Variants in ATP8A2 observed in about 807,000 individuals in gnomAD.
ATP8A2 encodes phospholipid-transporting ATPase IB.
In ATP8A2, 100 loss-of-function variants were observed where a neutral mutation model predicts 165.6. The ratio of observed to expected loss-of-function variants is 0.60; its 90% CI spans 0.51 to 0.71. ATP8A2 has a LOEUF of 0.71. ATP8A2 is among the 30% of genes least tolerant of loss of function. The pLI is 0.00. For missense variants in ATP8A2, 1,227 were observed against 1,479.5 expected (o/e 0.83, Z 2.80); for synonymous variants, 543 against 548.8 (o/e 0.99, Z 0.15).
At chr13:25,439,351 TTTGCTC>T (rs2034867950) in intron 1 of ATP8A2, among the ~76,000 whole-genome samples, 1 of 152,262 alleles carries the variant, frequency 6.6e-6, no homozygotes, top group South Asian at 2.1e-4. Flanking sequence ...ATCATGGAGC[TTTGCTC>T]ACCCTCCCGT....
At chr13:25,536,077 A>G (rs544897574) in intron 6 of ATP8A2, among the ~76,000 whole-genome samples, 4 of 152,130 alleles carry the variant, frequency 2.6e-5, no homozygotes, top group East Asian at 3.9e-4. Flanking sequence ...TCTGATTTTT[A>G]TATGTAATTA....
chr13:25,685,635 G>A (rs2042585398), intron 24 of ATP8A2, among the ~76,000 whole-genome samples: 1 of 152,224 alleles, frequency 6.6e-6, no homozygotes, highest in Non-Finnish European at 1.5e-5. Context: ...GAGCTGCATG[G>A]AAATCTGGGA....
At chr13:25,670,857 A>G (rs1002314748) in intron 24 of ATP8A2, among the ~76,000 whole-genome samples, 28 of 152,228 alleles carry the variant, frequency 1.8e-4, no homozygotes, top group Non-Finnish European at 2.9e-4. Flanking sequence ...TAACACTGCA[A>G]GCTTGACCTA....
chr13:25,998,062 G>A (rs972113198), intron 35 of ATP8A2, among the ~76,000 whole-genome samples: 12 of 152,144 alleles, frequency 7.9e-5, no homozygotes, highest in East Asian at 1.9e-4. Flanking sequence ...GGCTCCTGCC[G>A]GGTAGAGGTA....
intron 18 of ATP8A2, among the ~76,000 whole-genome samples, chr13:25,573,384 A>G (rs2039523407): frequency 6.6e-6 from 1 of 151,996 alleles, no homozygotes; most frequent in African/African-American, 2.4e-5. Context: ...CCTCTTTGTT[A>G]CCTCATTAAA....
chr13:25,813,432 G>T (rs1033478647), intron 27 of ATP8A2, among the ~76,000 whole-genome samples: 5 of 131,374 alleles, frequency 3.8e-5, no homozygotes, highest in African/African-American at 1.5e-4. Flanking sequence ...ATGATGGTAT[G>T]ATATGATATG....
intron 33 of ATP8A2, among the ~76,000 whole-genome samples, chr13:25,918,428 C>T (rs1315595392): frequency 1.3e-5 from 2 of 152,064 alleles, no homozygotes; most frequent in Non-Finnish European, 2.9e-5. Context: ...TCCGTTGTTG[C>T]CCAAAGAGCC....
intron 27 of ATP8A2, among the ~76,000 whole-genome samples, chr13:25,782,281 T>C (rs1292402942): frequency 6.6e-6 from 1 of 152,266 alleles, no homozygotes; most frequent in Non-Finnish European, 1.5e-5. Flanking sequence ...TTGGCAGCTA[T>C]GAGTGCGGTG....
intron 24 of ATP8A2, among the ~76,000 whole-genome samples, chr13:25,638,230 G>A (rs1458267517): frequency 2.6e-5 from 4 of 152,326 alleles, no homozygotes; most frequent in South Asian, 2.1e-4. Flanking sequence ...GCAGCTCCTC[G>A]CCAGCAACGG....
chr13:25,605,486 A>G (rs932889343), intron 24 of ATP8A2, among the ~76,000 whole-genome samples: 32 of 152,308 alleles, frequency 2.1e-4, no homozygotes, highest in African/African-American at 7.7e-4. Context: ...GACTTCCATT[A>G]CCCAGAGAAC....
At chr13:25,878,402 A>G (rs1295094435) in intron 33 of ATP8A2, among the ~76,000 whole-genome samples, 1 of 151,996 alleles carries the variant, frequency 6.6e-6, no homozygotes, top group Non-Finnish European at 1.5e-5. Context: ...GAAAGAATTC[A>G]GGGCGAGTCC....
intron 24 of ATP8A2, among the ~76,000 whole-genome samples, chr13:25,631,976 A>G (rs2041251512): frequency 6.6e-6 from 1 of 152,132 alleles, no homozygotes; most frequent in Non-Finnish European, 1.5e-5. Context: ...GCTCAGCCCC[A>G]CAAGGCTCTC....
At chr13:25,748,389 CTTTTT>C (rs770334668) in intron 25 of ATP8A2, among the ~76,000 whole-genome samples, 1 of 152,062 alleles carries the variant, frequency 6.6e-6, no homozygotes, top group African/African-American at 2.4e-5. Context: ...TTTTGGAACT[CTTTTT>C]TTGTTTTAAA....
At chr13:25,570,973 T>TA in intron 17 of ATP8A2, 101 bp downstream of exon 17, 3 of 828,822 alleles carry the variant, frequency 3.6e-6, no homozygotes, top group Non-Finnish European at 5.6e-6. Flanking sequence ...TCCCACAGAC[T>TA]CGGCTGTCTG....
intron 25 of ATP8A2, among the ~76,000 whole-genome samples, chr13:25,699,905 G>A (rs2042915806): frequency 6.6e-6 from 1 of 151,830 alleles, no homozygotes; most frequent in Non-Finnish European, 1.5e-5. Flanking sequence ...TGGCTATGTG[G>A]AGGTCTAGTT....
intron 15 of ATP8A2, 105 bp from the exon 16 acceptor site, chr13:25,563,851 T>C (rs12871941): frequency 0.76 from 554,908 of 733,318 alleles, 215,091 homozygotes; most frequent in African/African-American, 0.91. Context: ...TGAATCCCTA[T>C]AGGACTTTAG....
intron 33 of ATP8A2, among the ~76,000 whole-genome samples, chr13:25,918,012 G>A (rs1954320713): frequency 6.6e-6 from 1 of 151,998 alleles, no homozygotes; most frequent in Non-Finnish European, 1.5e-5. Flanking sequence ...AGAAGATGAG[G>A]GAAATATGAG....
intron 2 of ATP8A2, among the ~76,000 whole-genome samples, chr13:25,488,417 C>T (rs568312533): frequency 1.1e-4 from 17 of 152,250 alleles, no homozygotes; most frequent in African/African-American, 3.1e-4. Flanking sequence ...TCTTATTGCT[C>T]GTTGATATAG....
At chr13:25,897,999 AG>A (rs1953612838) in intron 33 of ATP8A2, among the ~76,000 whole-genome samples, 1 of 152,078 alleles carries the variant, frequency 6.6e-6, no homozygotes, top group African/African-American at 2.4e-5. Context: ...TTTAGCTCGG[AG>A]AAGTTTGATC....
Sources: gnomAD v4.1 joint callset for allele counts (sites outside exome capture counted in the v4.1 genomes callset) on GRCh38, gnomAD v4.1.1 for gene constraint, MANE v1.5 for transcripts, NCBI Gene and HGNC (gene_info 2026-07-23, HGNC 2026-07-21) for gene names.